Variants in CDH3 observed in about 807,000 individuals in gnomAD.
CDH3 encodes cadherin 3.
In CDH3, 54 loss-of-function variants were observed where a neutral mutation model predicts 82.0. The ratio of observed to expected loss-of-function variants is 0.66; its 90% CI spans 0.53 to 0.83. The LOEUF is 0.83. Ranked by LOEUF, CDH3 falls within the 40% of genes least tolerant of loss-of-function variation. The pLI, the probability that CDH3 is intolerant of heterozygous loss-of-function variation, is 0.00. For synonymous variants in CDH3, 446 were observed against 437.9 expected (o/e 1.02, Z -0.23); for missense variants, 1,054 against 1,084.6 (o/e 0.97, Z 0.40).
intron 2 of CDH3, among the ~76,000 whole-genome samples, chr16:68,646,999 A>ATT (rs1555503993): frequency 6.6e-6 from 1 of 151,782 alleles, no homozygotes. Flanking sequence ...TCTGCAAATA[A>ATT]CTGCAGATTG....
intron 2 of CDH3, chr16:68,651,629 A>ACTGGCCTCAAACAGGTCC: frequency 4.0e-6 from 2 of 503,148 alleles, no homozygotes; most frequent in East Asian, 4.8e-5. Context: ...CAAACAGGTT[A>ACTGGCCTCAAACAGGTCC]CTGGCCTCAA....
chr16:68,726,132 C>T (rs1390659895), intron 2 of CDH3, among the ~76,000 whole-genome samples: 5 of 152,316 alleles, frequency 3.3e-5, no homozygotes, highest in Middle Eastern at 3.4e-3. Flanking sequence ...ACCACTGTGC[C>T]AGGATGGTCT....
intron 4 of CDH3, 103 bp downstream of exon 4, chr16:68,678,380 A>G (rs1362064941): frequency 1.3e-6 from 2 of 1,587,270 alleles, no homozygotes; most frequent in Non-Finnish European, 8.6e-7. Context: ...CTGAGACAGA[A>G]AAACCTCTCC....
intron 2 of CDH3, among the ~76,000 whole-genome samples, chr16:68,669,618 G>C (rs965959972): frequency 4.8e-5 from 5 of 103,284 alleles, no homozygotes; most frequent in East Asian, 3.9e-4. Flanking sequence ...TGGGGTGGCG[G>C]GGGGGGTGGG....
intron 2 of CDH3, among the ~76,000 whole-genome samples, chr16:68,653,238 T>C (rs1960299589): frequency 7.1e-6 from 1 of 140,306 alleles, no homozygotes; most frequent in African/African-American, 2.8e-5. Context: ...ATTATTTTAT[T>C]TTATTTTATT....
downstream of CDH3, among the ~76,000 whole-genome samples, chr16:68,700,803 G>A (rs1961882999): frequency 2.0e-5 from 3 of 152,240 alleles, no homozygotes; most frequent in Admixed American, 6.5e-5. Context: ...GCAGTGAGCC[G>A]AGATCACGCC....
At chr16:68,657,634 G>A (rs1960442122) in intron 2 of CDH3, among the ~76,000 whole-genome samples, 1 of 152,208 alleles carries the variant, frequency 6.6e-6, no homozygotes. Flanking sequence ...TAGGAGGTGG[G>A]AGGGCTGGTG....
intron 2 of CDH3, among the ~76,000 whole-genome samples, chr16:68,674,192 CTTG>C (rs1193511267): frequency 1.3e-5 from 2 of 152,164 alleles, no homozygotes; most frequent in Admixed American, 6.5e-5. Context: ...CTTGCCAACA[CTTG>C]TTGTTTTCTT....
At chr16:68,724,898 G>T (rs978386264) in intron 2 of CDH3, among the ~76,000 whole-genome samples, 2 of 152,128 alleles carry the variant, frequency 1.3e-5, no homozygotes, top group Non-Finnish European at 2.9e-5. Flanking sequence ...GGCAGGGAGT[G>T]GTTTCATTGG....
chr16:68,657,987 G>A (rs757472601), intron 2 of CDH3, among the ~76,000 whole-genome samples: 3 of 151,800 alleles, frequency 2.0e-5, no homozygotes, highest in Admixed American at 6.6e-5. Context: ...GAGTGCATGC[G>A]CATCTTTCTA....
At position 68,695,865 on chromosome 16, in the gene CDH3, C is replaced by T. The variant is rs1961706490; in HGVS notation, c.2222C>T (p.Thr741Ile). The T allele has an allele frequency of 6.2e-7, 1 of 1,614,062 alleles. No homozygotes were observed. The highest frequency in any genetic ancestry group is 1.7e-5 in the Admixed American group (1 of 60,002). Residue 741 changes from threonine (T) to isoleucine (I), a missense_variant, in exon 15 of 16, where the codon ACA (threonine) becomes ATA (isoleucine). Physicochemically the swap from Thr to Ile is moderately conservative, Grantham distance 89. Coordinates refer to ENST00000264012, the MANE Select transcript of CDH3 (RefSeq NM_001793.6). ...GACGTGGCACCAACCATCATCCCGA[C>T]ACCCATGTACCGTCCTCGGCCAGCC... ...RNDVAPTIIP[T>I]PMYRPRPANP...
chr16:68,704,252 A>C (rs1008449592), downstream of CDH3, among the ~76,000 whole-genome samples: 1 of 149,468 alleles, frequency 6.7e-6, no homozygotes, highest in Non-Finnish European at 1.5e-5. Flanking sequence ...GCGCCACTGC[A>C]CTCCCGCCTG....
At chr16:68,708,366 A>C (rs1412123049) in intron 1 of CDH3, among the ~76,000 whole-genome samples, 1 of 151,624 alleles carries the variant, frequency 6.6e-6, no homozygotes, top group Admixed American at 6.6e-5. Flanking sequence ...TGAACAAATT[A>C]AGCAGTTACC....
At chr16:68,672,686 C>T (rs905278386) in intron 2 of CDH3, among the ~76,000 whole-genome samples, 7 of 152,172 alleles carry the variant, frequency 4.6e-5, no homozygotes, top group South Asian at 4.1e-4. Context: ...GCGGGGATGT[C>T]GTCAAGGAGG....
intron 2 of CDH3, among the ~76,000 whole-genome samples, chr16:68,656,834 T>C (rs1960420807): frequency 6.6e-6 from 1 of 152,154 alleles, no homozygotes; most frequent in Non-Finnish European, 1.5e-5. Context: ...AGGGTTGGGG[T>C]TGGCAGGCAC....
In CDH3 at chr16:68,685,219, G is replaced by A; in HGVS notation, c.1439G>A (p.Arg480Lys). The A allele has an allele frequency of 1.2e-6, 2 of 1,614,138 alleles. No homozygotes were observed. Among genetic ancestry groups the A allele is most frequent in the Non-Finnish European group, 1.7e-6 (2 of 1,180,030 alleles). The change falls in exon 11 of 16, where the codon AGA becomes AAA. Residue 480 changes from arginine (R) to lysine (K), a missense_variant. By Grantham distance (26) the Arg-to-Lys change is conservative (BLOSUM62 2). Coordinates refer to ENST00000264012, the MANE Select transcript of CDH3 (RefSeq NM_001793.6). ...TTCCTCTCCAGCTACCGCATCCTGA[G>A]AGACCCAGCAGGGTGGCTAGCCATG... is the stretch of plus-strand genomic sequence containing the variant. ...ENQKISYRIL[R>K]DPAGWLAMDP...
chr16:68,684,084 A>AT (rs1555506587), intron 9 of CDH3, among the ~76,000 whole-genome samples: 1 of 149,836 alleles, frequency 6.7e-6, no homozygotes, highest in Non-Finnish European at 1.5e-5. Flanking sequence ...AAAAAAAAAA[A>AT]GCTGGGTGCG....
chr16:68,700,014 ATGGCCACAT>A lies in CDH3; in HGVS notation c.*1617_*1625del, dbSNP rs1413124462. On this transcript the variant is annotated 3_prime_UTR_variant, in exon 16 of 16. Transcript: ENST00000264012. The stretch of plus-strand genomic sequence containing the variant: ...CTGAGGGGACTTTCTCCTTTAAAGA[ATGGCCACAT>A]TGTATTTGTTTTTTTAAATGACATC... The A allele has an allele frequency of 6.6e-6, 1 of 152,174 alleles. No homozygotes were observed. The highest frequency in any genetic ancestry group is 1.5e-5 in the Non-Finnish European group (1 of 68,018). 9.4% of individuals were successfully genotyped at this position (152,174 alleles called of 1,614,324 possible).
chr16:68,680,846 G>A (rs915211955), intron 7 of CDH3, 122 bp from the exon 8 acceptor site: 33 of 1,116,578 alleles, frequency 3.0e-5, no homozygotes, highest in Admixed American at 1.6e-4. Flanking sequence ...AGGAGTCAGC[G>A]TTATGATAGG....
Sources: allele counts gnomAD v4.1 joint callset (sites outside exome capture counted in the v4.1 genomes callset), GRCh38; gene constraint gnomAD v4.1.1; transcripts MANE v1.5; gene names NCBI Gene and HGNC (gene_info 2026-07-23, HGNC 2026-07-21).